The following COL22A1 variants were observed in gnomAD, a reference collection of about 807,000 sequenced individuals.
COL22A1 encodes collagen type XXII alpha 1 chain.
A neutral mutation model predicts 248.9 loss-of-function variants in COL22A1; 221 were observed. The observed-to-expected ratio is 0.89, with a 90% CI of 0.80 to 0.99. COL22A1 has a LOEUF of 0.99. COL22A1 is among the 50% of genes least tolerant of loss of function. COL22A1 has a pLI of 0.00. For synonymous variants in COL22A1, 891 were observed against 793.4 expected (o/e 1.12, Z -2.07); for missense variants, 2,240 against 2,179.0 (o/e 1.03, Z -0.56).
At chr8:138,673,697 G>A (rs1825254702) in intron 41 of COL22A1, among the ~76,000 whole-genome samples, 1 of 152,112 alleles carries the variant, frequency 6.6e-6, no homozygotes, top group African/African-American at 2.4e-5. Flanking sequence ...TGTAGCATTG[G>A]CCACATCATG....
rs1159137396 is a variant in COL22A1 at position 138,844,932 on chromosome 8, AG to A, written c.659-775del. Among the ~76,000 whole-genome samples the A allele has an allele frequency of 4.9e-5, 7 of 143,824 alleles. No homozygotes were observed. The South Asian group carries it at 1.1e-3, about 23-fold the overall frequency. The allele number at this position is 143,824 out of a possible 152,430, so 94.4% of individuals were successfully genotyped here. ...GTGGCTGCACTCCAGCCAGGGTGAC[AG>A]GGCAAGACTCCATCTCAAAAAAAAA... On this transcript the variant is annotated intron_variant, in intron 3 of 64. Transcript: ENST00000303045.
chr8:138,901,817 C>A (rs1157233353), intron 1 of COL22A1, among the ~76,000 whole-genome samples: 1 of 152,110 alleles, frequency 6.6e-6, no homozygotes, highest in Non-Finnish European at 1.5e-5. Context: ...CTTGCACCTA[C>A]CTCTCCGGTG....
At chr8:138,648,745 A>G (rs117488793) in intron 46 of COL22A1, among the ~76,000 whole-genome samples, 8 of 152,310 alleles carry the variant, frequency 5.3e-5, no homozygotes, top group Non-Finnish European at 7.3e-5. Flanking sequence ...TAAAGATGCA[A>G]GAAGTTTATT....
intron 7 of COL22A1, among the ~76,000 whole-genome samples, chr8:138,815,990 CCATT>C (rs1022306867): frequency 1.3e-5 from 2 of 152,172 alleles, no homozygotes; most frequent in Non-Finnish European, 2.9e-5. Context: ...AATAACAATA[CCATT>C]CATCTGTCTG....
At chr8:138,706,071 C>T (rs1004871383) in intron 30 of COL22A1, among the ~76,000 whole-genome samples, 1 of 152,172 alleles carries the variant, frequency 6.6e-6, no homozygotes, top group Non-Finnish European at 1.5e-5. Context: ...GGGATCAATT[C>T]AACAAGAAGA....
At chr8:138,589,896 TC>T (rs1458172820) in intron 64 of COL22A1, among the ~76,000 whole-genome samples, 2 of 152,150 alleles carry the variant, frequency 1.3e-5, no homozygotes, top group Admixed American at 6.5e-5. Flanking sequence ...TTGTGTAACA[TC>T]CAACTTGTTC....
rs1429000817 is a variant in COL22A1, at chr8:138,707,732, G to C, written c.2518-4385C>G. On this transcript the variant is annotated intron_variant, in intron 30 of 64. Transcript: ENST00000303045. The stretch of plus-strand genomic sequence containing the variant: ...TCCCTTTGAAAACTGGCACAAGATA[G>C]GGATGCCCTCTCTCACCACTCCTAT... Among the ~76,000 whole-genome samples the C allele has an allele frequency of 2.6e-5, 4 of 152,190 alleles. No individual in the cohort carries two copies. The East Asian group carries it at 5.8e-4, about 22-fold the overall frequency.
At chr8:138,817,720 T>A (rs1188088413) in intron 7 of COL22A1, among the ~76,000 whole-genome samples, 1 of 152,206 alleles carries the variant, frequency 6.6e-6, no homozygotes, top group East Asian at 1.9e-4. Context: ...ACCACCATGA[T>A]AATGTGAAGA....
chr8:138,623,709 A>G lies in COL22A1; in HGVS notation c.3771+23T>C, dbSNP rs979756507. ...TGTAATAGATTTGGCATGTGATATA[A>G]TAGGAAGTTTAGAGTCCTTTACCGG... On this transcript the variant is annotated intron_variant, in intron 52 of 64. Coordinates refer to ENST00000303045, the MANE Select transcript of COL22A1 (RefSeq NM_152888.3). 4.4e-6 allele frequency: 7 copies of G among 1,596,788 alleles called. No homozygotes were observed. In the African/African-American group the frequency reaches 9.5e-5, roughly 22 times the overall value.
chr8:138,726,498 CAAAAA>C (rs371982028), intron 23 of COL22A1, among the ~76,000 whole-genome samples: 3,638 of 95,636 alleles, frequency 0.038, 202 homozygotes, highest in African/African-American at 0.13. Context: ...CCTGTATCTA[CAAAAA>C]AAAAAAAAAA....
chr8:138,826,889 C>A, intron 5 of COL22A1, 108 bp from the exon 6 acceptor site: 2 of 1,336,612 alleles, frequency 1.5e-6, no homozygotes, highest in South Asian at 2.7e-5. Context: ...ATTTGACTTC[C>A]TAAATATTTC....
chr8:138,800,290 C>T (rs1354757115), intron 11 of COL22A1, among the ~76,000 whole-genome samples: 2 of 152,174 alleles, frequency 1.3e-5, no homozygotes, highest in Non-Finnish European at 2.9e-5. Flanking sequence ...GCACCTCCAC[C>T]CTGTGAATGG....
intron 39 of COL22A1, among the ~76,000 whole-genome samples, chr8:138,680,536 A>G (rs1825878084): frequency 6.6e-6 from 1 of 152,174 alleles, no homozygotes; most frequent in African/African-American, 2.4e-5. Context: ...AAGGAATTAG[A>G]AGGGGCCAAG....
rs562008054 is a variant in COL22A1, at chr8:138,616,978, G to A, written c.3826-20C>T. 373 of 1,614,110 alleles carry A rather than the reference G, an allele frequency of 2.3e-4. 5 individuals are homozygous for A. The South Asian group carries it at 3.9e-3, about 17-fold the overall frequency. On this transcript the variant is annotated intron_variant, in intron 53 of 64. Transcript: ENST00000303045. ...GAAGCCCTAGAAGGAAGAGAATGGAGTTATTCCATGATAGAGCAGGCTCTT... is the reference window on the plus strand; with the variant it reads ...GAAGCCCTAGAAGGAAGAGAATGGAATTATTCCATGATAGAGCAGGCTCTT...
intron 58 of COL22A1, among the ~76,000 whole-genome samples, chr8:138,605,859 C>A (rs1818377631): frequency 6.6e-6 from 1 of 152,182 alleles, no homozygotes. Context: ...AGCTGGAGTG[C>A]AAACCTACCA....
chr8:138,741,150 C>G (rs1831527818), intron 22 of COL22A1, among the ~76,000 whole-genome samples: 2 of 152,236 alleles, frequency 1.3e-5, no homozygotes, highest in African/African-American at 4.8e-5. Context: ...TGCCATTCTG[C>G]TCCCTCTGTC....
intron 43 of COL22A1, among the ~76,000 whole-genome samples, chr8:138,660,897 CAAACACACACATACACAG>C (rs1823814732): frequency 7.5e-5 from 1 of 13,270 alleles, no homozygotes; most frequent in Admixed American, 6.6e-4. Context: ...CACAGACACA[CAAACACACACATACACAG>C]ACACACACAC....
intron 1 of COL22A1, among the ~76,000 whole-genome samples, chr8:138,911,093 T>C (rs1398671172): frequency 6.6e-6 from 1 of 152,224 alleles, no homozygotes; most frequent in African/African-American, 2.4e-5. Context: ...TAGATCAGCC[T>C]TACAACAGCC....
chr8:138,841,145 CT>C (rs1340154833), intron 4 of COL22A1, among the ~76,000 whole-genome samples: 3 of 152,162 alleles, frequency 2.0e-5, no homozygotes, highest in Admixed American at 2.0e-4. Context: ...TGTTTTCATC[CT>C]TTGATTAATG....
Sources: allele counts gnomAD v4.1 joint callset (sites outside exome capture counted in the v4.1 genomes callset), GRCh38; gene constraint gnomAD v4.1.1; transcripts MANE v1.5; gene names NCBI Gene and HGNC (gene_info 2026-07-23, HGNC 2026-07-21).